The following LMBRD1 variants were observed in gnomAD, a reference collection of about 807,000 sequenced individuals.
LMBRD1 encodes the protein lysosomal cobalamin transport escort protein LMBD1.
LMBRD1 carries 64 observed loss-of-function variants against 74.8 expected under a neutral mutation model. The observed-to-expected ratio is 0.86, with a 90% CI of 0.70 to 1.05. The LOEUF is 1.05. Among genes scored for constraint, LMBRD1 ranks in the 50% least tolerant of loss-of-function variants. LMBRD1 has a pLI of 0.00. For synonymous variants in LMBRD1, 204 were observed against 216.3 expected, an observed-to-expected ratio of 0.94 and a Z score of 0.50; for missense variants, 652 against 645.9, an observed-to-expected ratio of 1.01 and a Z score of -0.10.
chr6:69,792,427 GTC>G (rs1766107187), intron 1 of LMBRD1, among the ~76,000 whole-genome samples: 1 of 152,132 alleles, frequency 6.6e-6, no homozygotes, highest in African/African-American at 2.4e-5. Flanking sequence ...TGTCTTTTCA[GTC>G]TGGCTAGTGT....
intron 7 of LMBRD1, among the ~76,000 whole-genome samples, chr6:69,721,641 A>T (rs1444469776): frequency 6.6e-6 from 1 of 152,180 alleles, no homozygotes; most frequent in Non-Finnish European, 1.5e-5. Context: ...GCACATTCCC[A>T]GCTATGGTGG....
chr6:69,718,168 C>T (rs1026591218), intron 8 of LMBRD1, among the ~76,000 whole-genome samples: 5 of 151,820 alleles, frequency 3.3e-5, no homozygotes, highest in Admixed American at 1.3e-4. Flanking sequence ...TACTTGAAGA[C>T]GACAGAGGAA....
At chr6:69,789,002 C>T (rs1416419536) in intron 2 of LMBRD1, among the ~76,000 whole-genome samples, 1 of 152,158 alleles carries the variant, frequency 6.6e-6, no homozygotes, top group African/African-American at 2.4e-5. Flanking sequence ...AAGGAAGTTA[C>T]TAAATGTAAA....
At chr6:69,735,159 G>C (rs940167600) in intron 7 of LMBRD1, among the ~76,000 whole-genome samples, 1 of 152,114 alleles carries the variant, frequency 6.6e-6, no homozygotes, top group Non-Finnish European at 1.5e-5. Flanking sequence ...TCAGGGTCAC[G>C]GGTGGCTGGA....
chr6:69,759,819 T>A (rs1034428532), intron 3 of LMBRD1, among the ~76,000 whole-genome samples: 7 of 152,146 alleles, frequency 4.6e-5, no homozygotes, highest in African/African-American at 1.7e-4. Context: ...AAATTATCTT[T>A]AAAAAATTTC....
At chr6:69,714,577 T>G (rs1766451399) in intron 8 of LMBRD1, among the ~76,000 whole-genome samples, 1 of 152,102 alleles carries the variant, frequency 6.6e-6, no homozygotes, top group Non-Finnish European at 1.5e-5. Context: ...AAGAAAAATA[T>G]TTGTATAGGA....
chr6:69,732,274 G>A (rs1007704107), intron 7 of LMBRD1, among the ~76,000 whole-genome samples: 4 of 152,132 alleles, frequency 2.6e-5, no homozygotes, highest in Non-Finnish European at 5.9e-5. Flanking sequence ...ACTGAGTCAT[G>A]AGGGTGAATC....
chr6:69,775,559 A>G (rs1282737649), intron 3 of LMBRD1, among the ~76,000 whole-genome samples: 1 of 152,256 alleles, frequency 6.6e-6, no homozygotes, highest in African/African-American at 2.4e-5. Flanking sequence ...GAATCAAGAT[A>G]GTAGACTCAA....
chr6:69,720,999 T>C (rs915035498), intron 7 of LMBRD1, among the ~76,000 whole-genome samples: 7 of 152,106 alleles, frequency 4.6e-5, no homozygotes, highest in African/African-American at 1.7e-4. Context: ...CCGTTGACAA[T>C]AGAGCCATAC....
intron 14 of LMBRD1, among the ~76,000 whole-genome samples, chr6:69,683,707 GCA>G (rs1491480997): frequency 6.6e-6 from 1 of 151,936 alleles, no homozygotes; most frequent in Non-Finnish European, 1.5e-5. Flanking sequence ...AACAGACTTA[GCA>G]CAGTCATTTG....
At chr6:69,754,284 T>TA (rs34305492) in intron 3 of LMBRD1, among the ~76,000 whole-genome samples, 158 of 150,098 alleles carry the variant, frequency 1.1e-3, no homozygotes, top group Middle Eastern at 6.8e-3. Context: ...GTTAAGATGG[T>TA]AAAAAAAAAA....
chr6:69,705,737 C>T (rs1477568389), intron 9 of LMBRD1: 2 of 1,182,930 alleles, frequency 1.7e-6, no homozygotes, highest in East Asian at 4.7e-5. Flanking sequence ...CAGGGACAGA[C>T]CACTTTCCAG....
intron 5 of LMBRD1, chr6:69,746,649 C>T (rs1265004319): frequency 6.6e-6 from 1 of 152,414 alleles, no homozygotes; most frequent in East Asian, 1.9e-4. Flanking sequence ...TTGGAGGGTC[C>T]CTTCAAAGGC....
At chr6:69,712,319 G>A (rs1345758060) in intron 9 of LMBRD1, among the ~76,000 whole-genome samples, 1 of 152,058 alleles carries the variant, frequency 6.6e-6, no homozygotes. Flanking sequence ...ATTCAAGGCT[G>A]GCAAACAATG....
rs147580193 is a variant in LMBRD1, at chr6:69,758,670, A to G, written c.308-6314T>C. Among the ~76,000 whole-genome samples, 8 of 152,280 alleles carry G rather than the reference A, an allele frequency of 5.3e-5. No individual in the cohort carries two copies. The East Asian group carries it at 7.7e-4, about 15-fold the overall frequency. On this transcript the variant is annotated intron_variant, in intron 3 of 15. Coordinates refer to ENST00000649934, the MANE Select transcript of LMBRD1 (RefSeq NM_018368.4). ...TTACTTTAAGTGAGACTGAAACACTATATGACTATTTAAACCAGGAACTTC... is the reference window on the plus strand; with the variant it reads ...TTACTTTAAGTGAGACTGAAACACTGTATGACTATTTAAACCAGGAACTTC...
chr6:69,755,169 T>C (rs1373251991), intron 3 of LMBRD1, among the ~76,000 whole-genome samples: 1 of 152,144 alleles, frequency 6.6e-6, no homozygotes, highest in Non-Finnish European at 1.5e-5. Context: ...AGCAAAGACT[T>C]GGAACTAACC....
At chr6:69,788,005 T>C (rs955175756) in intron 2 of LMBRD1, among the ~76,000 whole-genome samples, 1 of 152,182 alleles carries the variant, frequency 6.6e-6, no homozygotes, top group African/African-American at 2.4e-5. Flanking sequence ...TAGATTTAAA[T>C]ATCGAAAACA....
chr6:69,728,120 C>A (rs1383231099), intron 7 of LMBRD1, among the ~76,000 whole-genome samples: 1 of 152,064 alleles, frequency 6.6e-6, no homozygotes, highest in South Asian at 2.1e-4. Context: ...TTATAATTGT[C>A]GCAGAAGGCA....
chr6:69,704,976 T>C (rs1377967092), intron 9 of LMBRD1, among the ~76,000 whole-genome samples: 1 of 151,842 alleles, frequency 6.6e-6, no homozygotes, highest in Non-Finnish European at 1.5e-5. Context: ...TTTAAATTTA[T>C]TAAAATACTG....
Sources: allele counts gnomAD v4.1 joint callset (sites outside exome capture counted in the v4.1 genomes callset), GRCh38; gene constraint gnomAD v4.1.1; transcripts MANE v1.5; gene names NCBI Gene and HGNC (gene_info 2026-07-23, HGNC 2026-07-21).